BLTP3B: variants seen among roughly 807,000 people sequenced by gnomAD.
BLTP3B encodes UHRF1 (ICBP90) binding protein 1-like.
At chr12:100,109,493 G>A in the BLTP3B span, among the ~76,000 whole-genome samples, 2 of 152,150 alleles carry the variant, frequency 1.3e-5, no homozygotes, top group African/African-American at 4.8e-5. Flanking sequence ...AGCCAGGTGC[G>A]TGGCTCACAC....
At chr12:100,095,158 T>A in the BLTP3B span, among the ~76,000 whole-genome samples, 1 of 152,182 alleles carries the variant, frequency 6.6e-6, no homozygotes, top group Non-Finnish European at 1.5e-5. Context: ...TACCAACTAA[T>A]AATGCTCCAT....
At chr12:100,104,832 G>A in the BLTP3B span, among the ~76,000 whole-genome samples, 1 of 128,542 alleles carries the variant, frequency 7.8e-6, no homozygotes, top group African/African-American at 2.9e-5. Flanking sequence ...CAAAAACCAC[G>A]CTGATAATCA....
the BLTP3B span, chr12:100,058,878 G>A: frequency 1.1e-5 from 17 of 1,613,818 alleles, no homozygotes; most frequent in South Asian, 2.2e-5. Context: ...TGCCTCTGAC[G>A]AGGAAGGGGA....
the BLTP3B span, among the ~76,000 whole-genome samples, chr12:100,119,085 G>A: frequency 6.6e-6 from 1 of 152,040 alleles, no homozygotes; most frequent in Non-Finnish European, 1.5e-5. Flanking sequence ...CTGGGCGACA[G>A]AGCCAGACTC....
the BLTP3B span, among the ~76,000 whole-genome samples, chr12:100,065,314 A>C: frequency 3.3e-5 from 5 of 152,036 alleles, no homozygotes; most frequent in African/African-American, 9.7e-5. Flanking sequence ...AAAAAAAAAA[A>C]CAGAATAACA....
At chr12:100,129,340 T>C in the BLTP3B span, among the ~76,000 whole-genome samples, 1 of 152,228 alleles carries the variant, frequency 6.6e-6, no homozygotes, top group Admixed American at 6.5e-5. Context: ...TAGTTAAACC[T>C]GCCAAAAATG....
the BLTP3B span, among the ~76,000 whole-genome samples, chr12:100,103,300 G>GA: frequency 1.0e-3 from 151 of 151,732 alleles, no homozygotes; most frequent in African/African-American, 3.5e-3. Context: ...CAGGAAATGT[G>GA]AAAAAAAATA....
At chr12:100,093,625 T>C in the BLTP3B span, among the ~76,000 whole-genome samples, 1 of 152,196 alleles carries the variant, frequency 6.6e-6, no homozygotes, top group Non-Finnish European at 1.5e-5. Flanking sequence ...ATAATGTCTT[T>C]CATTTATAAA....
chr12:100,098,739 T>C, the BLTP3B span, among the ~76,000 whole-genome samples: 3 of 144,298 alleles, frequency 2.1e-5, no homozygotes, highest in South Asian at 2.2e-4. Flanking sequence ...CCATCTCTAC[T>C]AAAAAAAAAA....
chr12:100,096,953 G>A, the BLTP3B span, among the ~76,000 whole-genome samples: 3 of 152,178 alleles, frequency 2.0e-5, no homozygotes, highest in African/African-American at 4.8e-5. Context: ...TAGTGGGCGT[G>A]CCTATTGTCC....
the BLTP3B span, among the ~76,000 whole-genome samples, chr12:100,091,162 G>A: frequency 3.4e-5 from 5 of 145,260 alleles, no homozygotes; most frequent in East Asian, 2.0e-4. Context: ...GATTATAGGC[G>A]TGCACCATCA....
At chr12:100,127,987 T>C in the BLTP3B span, among the ~76,000 whole-genome samples, 1 of 152,150 alleles carries the variant, frequency 6.6e-6, no homozygotes, top group Non-Finnish European at 1.5e-5. Context: ...CACTCTAGCC[T>C]GGGCAACAGA....
chr12:100,086,372 A>AGC, the BLTP3B span: 21 of 439,862 alleles, frequency 4.8e-5, no homozygotes, highest in African/African-American at 2.6e-5. Context: ...GGAAAAAAAA[A>AGC]GGGGGGGGGG....
chr12:100,095,958 G>C, the BLTP3B span: 1 of 1,016,254 alleles, frequency 9.8e-7, no homozygotes, highest in Non-Finnish European at 1.4e-6. Flanking sequence ...CTTCACACAA[G>C]AAGTATTTAC....
At chr12:100,105,675 A>T in the BLTP3B span, among the ~76,000 whole-genome samples, 1 of 152,168 alleles carries the variant, frequency 6.6e-6, no homozygotes, top group African/African-American at 2.4e-5. Context: ...TGCAACAAAA[A>T]TAAATGAGAC....
chr12:100,088,340 G>C, the BLTP3B span, among the ~76,000 whole-genome samples: 1 of 152,118 alleles, frequency 6.6e-6, no homozygotes, highest in African/African-American at 2.4e-5. Context: ...CCAGCGCCTA[G>C]ATTACAGAAC....
At chr12:100,082,807 T>A in the BLTP3B span, among the ~76,000 whole-genome samples, 1 of 152,224 alleles carries the variant, frequency 6.6e-6, no homozygotes, top group African/African-American at 2.4e-5. Flanking sequence ...TAGGCAAACT[T>A]AAGGACTGTG....
the BLTP3B span, among the ~76,000 whole-genome samples, chr12:100,136,914 C>A: frequency 6.6e-6 from 1 of 152,228 alleles, no homozygotes; most frequent in East Asian, 1.9e-4. Context: ...CGGGCTCAAG[C>A]AATTCTCCTG....
At chr12:100,109,159 C>CCTCT in the BLTP3B span, among the ~76,000 whole-genome samples, 238 of 65,354 alleles carry the variant, frequency 3.6e-3, 4 homozygotes, top group East Asian at 0.013. Context: ...TGGCAGTTTT[C>CCTCT]CTCTCTCTCT....
Sources: allele counts gnomAD v4.1 joint callset (sites outside exome capture counted in the v4.1 genomes callset), GRCh38; gene constraint gnomAD v4.1.1; transcripts MANE v1.5; gene names NCBI Gene and HGNC (gene_info 2026-07-23, HGNC 2026-07-21).